Variants in RAB2A observed in about 807,000 individuals in gnomAD.
RAB2A encodes ras-related protein Rab-2A.
Under a neutral mutation model 32.5 loss-of-function variants are expected in RAB2A, and 7 were observed. The ratio of observed to expected loss-of-function variants is 0.22; its 90% CI spans 0.12 to 0.40. The LOEUF (loss-of-function observed/expected upper bound fraction) is 0.40, where lower values mean the gene tolerates loss of function less well. RAB2A is among the 10% of genes least tolerant of loss of function. The pLI, the probability that RAB2A is intolerant of heterozygous loss-of-function variation, is 1.00. For missense variants in RAB2A, 108 were observed against 260.7 expected, an observed-to-expected ratio of 0.41 and a Z score of 4.03; for synonymous variants, 79 against 85.2, an observed-to-expected ratio of 0.93 and a Z score of 0.40.
chr8:60,570,795 G>A (rs1030841401), intron 2 of RAB2A, among the ~76,000 whole-genome samples: 2 of 152,148 alleles, frequency 1.3e-5, no homozygotes, highest in African/African-American at 4.8e-5. Context: ...AAAGCTCATC[G>A]TTTTATGTCA....
intron 6 of RAB2A, among the ~76,000 whole-genome samples, chr8:60,606,800 A>G (rs1397082478): frequency 6.6e-6 from 1 of 152,262 alleles, no homozygotes; most frequent in African/African-American, 2.4e-5. Flanking sequence ...AGTGGCTGAG[A>G]TACACAAGCA....
chr8:60,607,428 C>CAAAAAAAAAAAAAAAAA (rs773988383), intron 6 of RAB2A, among the ~76,000 whole-genome samples: 1 of 57,492 alleles, frequency 1.7e-5, no homozygotes, highest in Non-Finnish European at 3.4e-5. Flanking sequence ...GACTCCATCT[C>CAAAAAAAAAAAAAAAAA]AAAAAAAAAA....
intron 2 of RAB2A, among the ~76,000 whole-genome samples, chr8:60,569,293 C>CTGTTTGTTTGTT (rs369449211): frequency 6.6e-6 from 1 of 151,752 alleles, no homozygotes; most frequent in African/African-American, 2.4e-5. Context: ...CTTCTTGTTT[C>CTGTTTGTTTGTT]TGTTTGTTTG....
rs757627796 is a variant in RAB2A, at chr8:60,592,005, A to G, written c.474+36A>G. On this transcript the variant is annotated intron_variant, in intron 6 of 7. Transcript: ENST00000262646. ...GGCCCTTTAAAATCTTCATCTTTAT[A>G]CTTAATAGAAATGTTTTATATATCT... is the stretch of plus-strand genomic sequence containing the variant. 6 of 1,248,354 alleles carry G rather than the reference A, an allele frequency of 4.8e-6. No homozygotes were observed. In the African/African-American group the frequency reaches 7.6e-5, roughly 16 times the overall value. The allele number at this position is 1,248,354 out of a possible 1,614,324, so 77.3% of individuals were successfully genotyped here. A position where few individuals can be genotyped will look rare whatever the true frequency, so the allele number is the denominator to read the frequency against.
chr8:60,609,493 C>T (rs1178143872), intron 6 of RAB2A, among the ~76,000 whole-genome samples: 1 of 152,310 alleles, frequency 6.6e-6, no homozygotes, highest in East Asian at 1.9e-4. Flanking sequence ...TTCATTTCTG[C>T]AACCCCCACA....
At chr8:60,523,799 T>C (rs1807337918) in intron 1 of RAB2A, among the ~76,000 whole-genome samples, 2 of 151,412 alleles carry the variant, frequency 1.3e-5, no homozygotes, top group South Asian at 4.2e-4. Flanking sequence ...CACACCATTC[T>C]CCTGCCTCAG....
intron 1 of RAB2A, among the ~76,000 whole-genome samples, chr8:60,522,870 AT>A (rs1476395267): frequency 6.6e-6 from 1 of 152,088 alleles, no homozygotes; most frequent in East Asian, 1.9e-4. Context: ...AAAAAAAAAA[AT>A]ATTCAGCAGC....
At chr8:60,572,175 A>T in intron 3 of RAB2A, 62 bp downstream of exon 3, 1 of 1,279,208 alleles carries the variant, frequency 7.8e-7, no homozygotes. Context: ...AGTACATCGT[A>T]TATTTGTTTT....
At chr8:60,537,475 G>A (rs61392243) in intron 1 of RAB2A, among the ~76,000 whole-genome samples, 1,739 of 152,080 alleles carry the variant, frequency 0.011, 39 homozygotes, top group African/African-American at 0.039. Flanking sequence ...CACCCGCCTC[G>A]ACCTTCCAAA....
chr8:60,565,177 G>A (rs1299469073), intron 2 of RAB2A, among the ~76,000 whole-genome samples: 1 of 152,150 alleles, frequency 6.6e-6, no homozygotes, highest in Non-Finnish European at 1.5e-5. Context: ...CCAACACTTT[G>A]GGAGGCAGAG....
At chr8:60,592,171 T>A in intron 6 of RAB2A, 1 of 363,246 alleles carries the variant, frequency 2.8e-6, no homozygotes, top group Non-Finnish European at 5.2e-6. Context: ...AAAGCCTGAA[T>A]GTTTTCTTAC....
At chr8:60,615,768 G>T (rs1309950390) in intron 6 of RAB2A, among the ~76,000 whole-genome samples, 1 of 152,142 alleles carries the variant, frequency 6.6e-6, no homozygotes, top group African/African-American at 2.4e-5. Flanking sequence ...GTTTGTGTGT[G>T]TGTGCAAAGC....
intron 3 of RAB2A, among the ~76,000 whole-genome samples, chr8:60,576,618 CCTT>C (rs1201927514): frequency 6.6e-6 from 1 of 151,992 alleles, no homozygotes; most frequent in Non-Finnish European, 1.5e-5. Flanking sequence ...TTTTTTTTCT[CCTT>C]TGAAAAACAT....
intron 1 of RAB2A, among the ~76,000 whole-genome samples, chr8:60,539,649 T>A (rs911957005): frequency 6.6e-6 from 1 of 152,220 alleles, no homozygotes; most frequent in African/African-American, 2.4e-5. Context: ...CTTGCCCTTA[T>A]GAGGTTTATA....
intron 1 of RAB2A, among the ~76,000 whole-genome samples, chr8:60,529,088 C>CT (rs34685294): frequency 1.3e-3 from 194 of 149,646 alleles, no homozygotes; most frequent in African/African-American, 4.0e-3. Flanking sequence ...AAGCATGTTT[C>CT]TTTTTTTTTT....
intron 1 of RAB2A, among the ~76,000 whole-genome samples, chr8:60,530,416 G>A (rs1807459057): frequency 6.6e-6 from 1 of 151,978 alleles, no homozygotes; most frequent in Non-Finnish European, 1.5e-5. Flanking sequence ...AAAGTGCTGG[G>A]ATTACTAATG....
chr8:60,609,883 C>T (rs1164136896), intron 6 of RAB2A, among the ~76,000 whole-genome samples: 1 of 148,712 alleles, frequency 6.7e-6, no homozygotes, highest in Non-Finnish European at 1.5e-5. Context: ...CACTTGAGCT[C>T]AGGAGGGCAA....
intron 1 of RAB2A, among the ~76,000 whole-genome samples, chr8:60,551,264 A>G (rs1376942940): frequency 6.6e-6 from 1 of 152,198 alleles, no homozygotes; most frequent in East Asian, 1.9e-4. Context: ...ACAAGTTTAT[A>G]GTCTTTCATC....
At chr8:60,522,407 T>C (rs1038109793) in intron 1 of RAB2A, among the ~76,000 whole-genome samples, 1 of 152,220 alleles carries the variant, frequency 6.6e-6, no homozygotes, top group Non-Finnish European at 1.5e-5. Flanking sequence ...ACTACACACT[T>C]AACCGTTACT....
Sources: gnomAD v4.1 joint callset for allele counts (sites outside exome capture counted in the v4.1 genomes callset) on GRCh38, gnomAD v4.1.1 for gene constraint, MANE v1.5 for transcripts, NCBI Gene and HGNC (gene_info 2026-07-23, HGNC 2026-07-21) for gene names.